Variants in NAF1 observed in about 807,000 individuals in gnomAD.
NAF1 encodes nuclear assembly factor 1 ribonucleoprotein.
In NAF1, 11 loss-of-function variants were observed where a neutral mutation model predicts 40.6. The ratio of observed to expected loss-of-function variants is 0.27; its 90% confidence interval spans 0.17 to 0.45. The LOEUF (loss-of-function observed/expected upper bound fraction) is 0.45. Ranked by LOEUF, NAF1 falls within the 20% of genes least tolerant of loss-of-function variation. The pLI is 1.00. For synonymous variants in NAF1, 260 were observed against 228.5 expected (o/e 1.14, Z -1.24); for missense variants, 607 against 611.1 (o/e 0.99, Z 0.07).
downstream of NAF1, among the ~76,000 whole-genome samples, chr4:163,125,225 AG>A (rs1730621817): frequency 1.3e-5 from 2 of 152,226 alleles, no homozygotes; most frequent in South Asian, 4.1e-4. Flanking sequence ...TTCAAGTGAA[AG>A]GAAGAGTTGT....
At chr4:163,137,094 T>G (rs1731088104) in intron 6 of NAF1, 105 bp downstream of exon 6, 12 of 1,278,934 alleles carry the variant, frequency 9.4e-6, no homozygotes, top group Non-Finnish European at 1.2e-5. Flanking sequence ...GCAGTATGGC[T>G]GCTAGCCAGT....
rs1357183853 is a variant in NAF1, at chr4:163,164,217, A to G, written c.540T>C (p.Asn180=). The G allele has an allele frequency of 2.5e-5, 38 of 1,533,058 alleles. No homozygotes were observed. Among genetic ancestry groups the G allele is most frequent in the Non-Finnish European group, 3.1e-5 (35 of 1,142,224 alleles). 95.0% of individuals were successfully genotyped at this position (1,533,058 alleles called of 1,614,324 possible). The change falls in exon 2 of 8, where the codon AAT becomes AAC. Residue 180 remains asparagine (N), a splice_region_variant and synonymous_variant. Coordinates refer to ENST00000274054, the MANE Select transcript of NAF1 (RefSeq NM_138386.3). ...PLKTKDELLL[N]ELPSVEELTI... The stretch of plus-strand genomic sequence containing the variant: ...AAGCTTAATAAATCTAAGTACTTAC[A>G]TTAAGAAGTAATTCATCTTTTGTTT...
rs1443211574 is a variant in NAF1, at chr4:163,148,238, T to A, written c.634+103A>T. On this transcript the variant is annotated intron_variant, in intron 3 of 7. Transcript: ENST00000274054. ...AACTTAATGACTATAAAATAAAGTGTTAATTACGTATGTCAAAGAAAATTT... is the reference window on the plus strand; with the variant it reads ...AACTTAATGACTATAAAATAAAGTGATAATTACGTATGTCAAAGAAAATTT... 5 of 594,456 alleles carry A rather than the reference T, an allele frequency of 8.4e-6. No homozygotes were observed. In the East Asian group the frequency reaches 1.2e-4, roughly 14 times the overall value. The allele number at this position is 594,456 out of a possible 1,614,324, so 36.8% of individuals were successfully genotyped here.
rs759296600 is a variant in NAF1, at chr4:163,166,636, G to A, written c.92C>T (p.Ser31Phe). The change falls in exon 1 of 8, where the codon TCT becomes TTT. Residue 31 changes from serine to phenylalanine, a missense_variant. Physicochemically the swap from Ser to Phe is radical, Grantham distance 155. Around this residue, in one of 3 missense-constraint regions of NAF1, gnomAD observed 407 missense variants for 365.5 expected, o/e 1.11. Coordinates refer to ENST00000274054, the MANE Select transcript of NAF1 (RefSeq NM_138386.3). ...CCCTGGCACAGGGGCAGAGCCCGGA[G>A]ACGGAGCCGCCGGACCTTCCCCAAC... ...FGVGEGPAAP[S>F]PGSAPVPGTQ... The A allele has an allele frequency of 1.9e-6, 3 of 1,612,420 alleles. No homozygotes were observed. The highest frequency in any genetic ancestry group is 2.5e-6 in the Non-Finnish European group (3 of 1,179,748).
At chr4:163,110,346 T>G (rs536792878) in intron 2 of NAF1, 2 of 680,252 alleles carry the variant, frequency 2.9e-6, no homozygotes, top group East Asian at 5.7e-5. Flanking sequence ...TACATTCACA[T>G]AACTGTTACT....
chr4:163,152,403 G>T (rs1432778056), intron 2 of NAF1, among the ~76,000 whole-genome samples: 1 of 152,204 alleles, frequency 6.6e-6, no homozygotes, highest in Non-Finnish European at 1.5e-5. Context: ...GTATGACCAA[G>T]ATAAGGGAAA....
intron 7 of NAF1, among the ~76,000 whole-genome samples, chr4:163,131,015 G>A (rs180764913): frequency 3.3e-3 from 504 of 152,238 alleles, no homozygotes; most frequent in African/African-American, 0.012. Context: ...CTCCCAAGTA[G>A]GAATGCGCCA....
At chr4:163,122,436 A>AT (rs1402649229), downstream of NAF1, among the ~76,000 whole-genome samples, 1 of 152,186 alleles carries the variant, frequency 6.6e-6, no homozygotes, top group Admixed American at 6.5e-5. Context: ...CCCCAAAACA[A>AT]TGGAGACCTG....
intron 4 of NAF1, among the ~76,000 whole-genome samples, chr4:163,143,694 T>C (rs1034374754): frequency 3.3e-5 from 5 of 152,194 alleles, no homozygotes; most frequent in Non-Finnish European, 5.9e-5. Context: ...TGGCAGGCTG[T>C]GCCTGTGAAG....
chr4:163,128,654 G>A, downstream of NAF1: 2 of 941,014 alleles, frequency 2.1e-6, no homozygotes, highest in Non-Finnish European at 2.6e-6. Context: ...GGAGGGAGAA[G>A]GCATGAATTC....
chr4:163,151,417 T>C (rs919946602), intron 2 of NAF1, among the ~76,000 whole-genome samples: 5 of 152,014 alleles, frequency 3.3e-5, no homozygotes, highest in African/African-American at 9.7e-5. Flanking sequence ...TTTATTCTTG[T>C]ATAAAAGTGC....
At chr4:163,114,916 A>C (rs1351610076) in intron 2 of NAF1, among the ~76,000 whole-genome samples, 2 of 152,134 alleles carry the variant, frequency 1.3e-5, no homozygotes, top group African/African-American at 4.8e-5. Context: ...CTACTCTGAT[A>C]ATTTATTCCT....
At chr4:163,120,614 T>C (rs1406710335) in intron 2 of NAF1, among the ~76,000 whole-genome samples, 1 of 152,234 alleles carries the variant, frequency 6.6e-6, no homozygotes. Flanking sequence ...ACAATTAGGC[T>C]TTCTGTACTA....
chr4:163,143,710 A>G (rs2110950378), intron 4 of NAF1, among the ~76,000 whole-genome samples: 1 of 152,330 alleles, frequency 6.6e-6, no homozygotes, highest in African/African-American at 2.4e-5. Flanking sequence ...TGAAGGGCCA[A>G]GGTCTGCATG....
chr4:163,127,234 A>C, downstream of NAF1: 1 of 1,327,208 alleles, frequency 7.5e-7, no homozygotes, highest in Non-Finnish European at 9.8e-7. Context: ...GGTTCAAATA[A>C]TTCTCCTGCC....
chr4:163,143,984 T>C (rs2110951930), intron 4 of NAF1: 1 of 970,388 alleles, frequency 1.0e-6, no homozygotes, highest in East Asian at 1.1e-4. Context: ...CCTTGAAATA[T>C]GTCATGAGAA....
chr4:163,105,326 G>A (rs1384337456), downstream of NAF1, among the ~76,000 whole-genome samples: 1 of 152,134 alleles, frequency 6.6e-6, no homozygotes, highest in African/African-American at 2.4e-5. Context: ...TAAACATTAA[G>A]TAAGATAACA....
chr4:163,140,510 T>C, intron 4 of NAF1, 127 bp from the exon 5 acceptor site: 2 of 715,960 alleles, frequency 2.8e-6, no homozygotes, highest in Non-Finnish European at 4.5e-6. Flanking sequence ...GTTAGGGCAA[T>C]AAAATAATTT....
chr4:163,119,908 A>G (rs771694905), intron 2 of NAF1: 3 of 152,232 alleles, frequency 2.0e-5, no homozygotes, highest in Non-Finnish European at 4.4e-5. Context: ...TCTGCCCATA[A>G]TCTTGCTAAA....
Sources: allele counts gnomAD v4.1 joint callset (sites outside exome capture counted in the v4.1 genomes callset), GRCh38; gene constraint gnomAD v4.1.1; regional missense constraint gnomAD v4.1.1; transcripts MANE v1.5; gene names NCBI Gene and HGNC (gene_info 2026-07-23, HGNC 2026-07-21).